Variants in PCDHA5 observed in about 807,000 individuals in gnomAD.
The protein encoded by PCDHA5 is protocadherin alpha-5.
A neutral mutation model predicts 61.6 loss-of-function variants in PCDHA5; 43 were observed. The observed-to-expected ratio is 0.70, with a 90% CI of 0.55 to 0.90. The LOEUF (loss-of-function observed/expected upper bound fraction) is 0.90, where lower values mean the gene tolerates loss of function less well. PCDHA5 is among the 40% of genes least tolerant of loss of function. The pLI, the probability that PCDHA5 is intolerant of heterozygous loss-of-function variation, is 0.00. For synonymous variants in PCDHA5, 627 were observed against 543.9 expected, an observed-to-expected ratio of 1.15 and a Z score of -2.13; for missense variants, 1,298 against 1,222.7, an observed-to-expected ratio of 1.06 and a Z score of -0.92.
At chr5:141,006,368 C>A (rs1395158727) in intron 3 of PCDHA5, among the ~76,000 whole-genome samples, 1 of 151,954 alleles carries the variant, frequency 6.6e-6, no homozygotes, top group Non-Finnish European at 1.5e-5. Flanking sequence ...CCCACCACCA[C>A]GCCCGGCTAA....
At chr5:140,932,946 G>A (rs1554209125) in intron 1 of PCDHA5, among the ~76,000 whole-genome samples, 1 of 151,982 alleles carries the variant, frequency 6.6e-6, no homozygotes, top group East Asian at 1.9e-4. Flanking sequence ...TGGAATGAAG[G>A]TGGACTAAAT....
intron 3 of PCDHA5, chr5:140,989,112 T>C (rs1312650713): frequency 1.3e-5 from 2 of 152,222 alleles, no homozygotes; most frequent in Non-Finnish European, 2.9e-5. Context: ...CTTTTGAATA[T>C]ATCTTAGAAA....
intron 1 of PCDHA5, chr5:140,883,300 T>C (rs782541976): frequency 6.2e-7 from 1 of 1,613,974 alleles, no homozygotes; most frequent in African/African-American, 1.3e-5. Flanking sequence ...TAGATGTAAA[T>C]GATAACGCCC....
chr5:140,856,103 C>G (rs1554148182), intron 1 of PCDHA5: 1 of 1,597,894 alleles, frequency 6.3e-7, no homozygotes, highest in South Asian at 1.1e-5. Context: ...CTCGCTTCTT[C>G]TCCTCGCAGC....
intron 1 of PCDHA5, among the ~76,000 whole-genome samples, chr5:140,957,658 G>T (rs2095373813): frequency 6.6e-6 from 1 of 151,932 alleles, no homozygotes; most frequent in Non-Finnish European, 1.5e-5. Flanking sequence ...TTCAATCATG[G>T]AGTAAAAATT....
At chr5:140,860,700 G>C (rs573827394) in intron 1 of PCDHA5, 1 of 152,300 alleles carries the variant, frequency 6.6e-6, no homozygotes, top group South Asian at 2.1e-4. Flanking sequence ...ACAGGATATT[G>C]TTGTTCTCCA....
rs1486242200 is a variant in PCDHA5, at chr5:140,900,929, A to G, written c.2352+76802A>G. ...CTGTGGTAAGATGATATCTCATTGT[A>G]GTTTTGATTTGCATTTCTCTGATTA... On this transcript the variant is annotated intron_variant, in intron 1 of 3. Coordinates refer to ENST00000529859, the MANE Select transcript of PCDHA5 (RefSeq NM_018908.3). Among the ~76,000 whole-genome samples, 8 of 152,104 alleles carry G rather than the reference A, an allele frequency of 5.3e-5. No individual in the cohort carries two copies. The East Asian group carries it at 1.5e-3, about 29-fold the overall frequency.
At chr5:140,865,102 A>G (rs1251688673) in intron 1 of PCDHA5, 2 of 152,206 alleles carry the variant, frequency 1.3e-5, no homozygotes, top group Non-Finnish European at 2.9e-5. Context: ...AGGCACTTCC[A>G]CTTGACAATT....
At chr5:140,871,250 T>G (rs1412384009) in intron 1 of PCDHA5, 3 of 1,613,976 alleles carry the variant, frequency 1.9e-6, no homozygotes, top group Non-Finnish European at 2.5e-6. Context: ...ACGCTGCTGC[T>G]GTATACGGCG....
rs185567567 is a variant in PCDHA5, at chr5:140,888,396, T to C, written c.2352+64269T>C. 3.4e-3 allele frequency among the ~76,000 whole-genome samples: 514 copies of C among 152,282 alleles called. 3 individuals are homozygous for C. The highest frequency in any genetic ancestry group is 0.014 in the Middle Eastern group (4 of 294). On this transcript the variant is annotated intron_variant, in intron 1 of 3. Coordinates refer to ENST00000529859, the MANE Select transcript of PCDHA5 (RefSeq NM_018908.3). The stretch of plus-strand genomic sequence containing the variant: ...AGCTCTGAGATGCTGCTAAACACCA[T>C]CCAATTGCTGCCAAACATCCTACCG...
chr5:140,863,469 G>A (rs2153224585), intron 1 of PCDHA5: 1 of 498,172 alleles, frequency 2.0e-6, no homozygotes, highest in Non-Finnish European at 4.0e-6. Context: ...TTACTCTGGA[G>A]AGTCGCCTCC....
At chr5:140,824,920 A>G (rs1768395100) in intron 1 of PCDHA5, 1 of 152,304 alleles carries the variant, frequency 6.6e-6, no homozygotes, top group African/African-American at 2.4e-5. Context: ...CTGTATACCC[A>G]TGATGAATTT....
chr5:141,011,435 T>C lies in PCDHA5; in HGVS notation c.*1498T>C, dbSNP rs781837801. ...TGTGAATGTTAATGCAACTATTACC[T>C]AGAGTGAACTTTAAGCTTTATTGTT... On this transcript the variant is annotated 3_prime_UTR_variant, in exon 4 of 4. Coordinates refer to ENST00000529859, the MANE Select transcript of PCDHA5 (RefSeq NM_018908.3). 3 of 153,818 alleles carry C rather than the reference T, an allele frequency of 2.0e-5. No individual in the cohort carries two copies. The highest frequency in any genetic ancestry group is 4.4e-5 in the Non-Finnish European group (3 of 68,050). The allele number at this position is 153,818 out of a possible 1,614,324, so 9.5% of individuals were successfully genotyped here.
intron 1 of PCDHA5, among the ~76,000 whole-genome samples, chr5:140,904,548 A>T (rs1280388333): frequency 1.3e-5 from 2 of 152,050 alleles, no homozygotes; most frequent in Admixed American, 1.3e-4. Flanking sequence ...TCTTTTTCAT[A>T]TAATGACTTT....
chr5:140,840,957 C>G (rs1381894939), intron 1 of PCDHA5, among the ~76,000 whole-genome samples: 3 of 151,928 alleles, frequency 2.0e-5, no homozygotes, highest in Non-Finnish European at 4.4e-5. Context: ...GGAAGAAATT[C>G]CTTTCCTTAT....
At chr5:140,928,123 T>C in intron 1 of PCDHA5, 1 of 1,614,200 alleles carries the variant, frequency 6.2e-7, no homozygotes, top group Non-Finnish European at 8.5e-7. Context: ...GATCAGTGAA[T>C]ACCAAGTCCT....
chr5:140,862,934 G>C (rs1050739882), intron 1 of PCDHA5: 3 of 542,192 alleles, frequency 5.5e-6, no homozygotes, highest in African/African-American at 2.0e-5. Flanking sequence ...TGGCGGCGCT[G>C]TGAGTGAGCT....
intron 1 of PCDHA5, among the ~76,000 whole-genome samples, chr5:140,891,891 A>G (rs1278331991): frequency 5.9e-5 from 9 of 152,214 alleles, no homozygotes; most frequent in Admixed American, 5.9e-4. Flanking sequence ...GTGACGATGC[A>G]GCAAGAAGAT....
chr5:140,964,689 GAGAGATTA>G (rs781865484), intron 1 of PCDHA5, among the ~76,000 whole-genome samples: 4 of 152,008 alleles, frequency 2.6e-5, no homozygotes, highest in Non-Finnish European at 5.9e-5. Context: ...TTGTGCACTT[GAGAGATTA>G]AGGCCTCCGA....
Sources: allele counts gnomAD v4.1 joint callset (sites outside exome capture counted in the v4.1 genomes callset), GRCh38; gene constraint gnomAD v4.1.1; transcripts MANE v1.5; gene names NCBI Gene and HGNC (gene_info 2026-07-23, HGNC 2026-07-21).